SGMS1: variants seen among roughly 807,000 people sequenced by gnomAD.
SGMS1 encodes the protein phosphatidylcholine:ceramide cholinephosphotransferase 1.
Under a neutral mutation model 46.2 loss-of-function variants are expected in SGMS1, and 13 were observed. The ratio of observed to expected loss-of-function variants is 0.28; its 90% CI spans 0.18 to 0.45. The LOEUF (loss-of-function observed/expected upper bound fraction) is 0.45. Ranked by LOEUF, SGMS1 falls within the 20% of genes least tolerant of loss-of-function variation. The pLI is 1.00. For synonymous variants in SGMS1, 203 were observed against 187.8 expected, an observed-to-expected ratio of 1.08 and a Z score of -0.66; for missense variants, 324 against 519.9, an observed-to-expected ratio of 0.62 and a Z score of 3.66.
chr10:50,494,028 G>A (rs1245225487), intron 3 of SGMS1, among the ~76,000 whole-genome samples: 1 of 152,122 alleles, frequency 6.6e-6, no homozygotes, highest in East Asian at 1.9e-4. Flanking sequence ...CAAACTCCTG[G>A]CCTCGTGATC....
chr10:50,379,224 G>A (rs926978674), intron 6 of SGMS1, among the ~76,000 whole-genome samples: 7 of 152,084 alleles, frequency 4.6e-5, no homozygotes, highest in African/African-American at 1.4e-4. Flanking sequence ...GTGTTCAAAA[G>A]TGCAGCCCTA....
In SGMS1 at chr10:50,343,833, G is replaced by C; in HGVS notation, c.282C>G (p.Pro94=). The C allele has an allele frequency of 5.0e-6, 8 of 1,614,136 alleles. No individual in the cohort carries two copies. Among genetic ancestry groups the C allele is most frequent in the Non-Finnish European group, 5.1e-6 (6 of 1,180,036 alleles). ...TAATCTTGATGCTGAAGCTGCCGTC[G>C]GGGGTGGGGATGTCTACGCCAATGT... ...HLNIGVDIPT[P]DGSFSIKIKP... Residue 94 remains proline (P), a synonymous_variant, in exon 7 of 11, where the codon CCC becomes CCG. Transcript: ENST00000361781.
chr10:50,399,578 T>G (rs1363951159), intron 6 of SGMS1, among the ~76,000 whole-genome samples: 1 of 152,142 alleles, frequency 6.6e-6, no homozygotes, highest in African/African-American at 2.4e-5. Flanking sequence ...AGCAGAACAA[T>G]GCACACAGGA....
intron 6 of SGMS1, among the ~76,000 whole-genome samples, chr10:50,410,978 A>G (rs964829392): frequency 6.6e-6 from 1 of 152,212 alleles, no homozygotes; most frequent in African/African-American, 2.4e-5. Flanking sequence ...GCTGTGATAC[A>G]TTCATTATAG....
At chr10:50,424,768 C>T (rs1260152635) in intron 6 of SGMS1, among the ~76,000 whole-genome samples, 3 of 152,122 alleles carry the variant, frequency 2.0e-5, no homozygotes, top group Admixed American at 6.5e-5. Flanking sequence ...CAAAATTAGT[C>T]GGGCATAGTG....
intron 1 of SGMS1, among the ~76,000 whole-genome samples, chr10:50,608,710 T>C (rs1838719372): frequency 6.6e-6 from 1 of 152,218 alleles, no homozygotes; most frequent in African/African-American, 2.4e-5. Context: ...GAAACACACC[T>C]GATATGACTA....
At chr10:50,528,783 C>A (rs546831142) in intron 2 of SGMS1, among the ~76,000 whole-genome samples, 1 of 152,200 alleles carries the variant, frequency 6.6e-6, no homozygotes, top group Admixed American at 6.5e-5. Context: ...TAGCTTGAGC[C>A]CAGGAGGCTG....
At chr10:50,394,693 T>C (rs1848820627) in intron 6 of SGMS1, among the ~76,000 whole-genome samples, 1 of 152,262 alleles carries the variant, frequency 6.6e-6, no homozygotes, top group Non-Finnish European at 1.5e-5. Context: ...TTTGTTTTAA[T>C]TCATCTAACT....
chr10:50,491,306 C>T (rs1409642750), intron 3 of SGMS1, among the ~76,000 whole-genome samples: 1 of 152,162 alleles, frequency 6.6e-6, no homozygotes, highest in Non-Finnish European at 1.5e-5. Flanking sequence ...TGAGCTATGA[C>T]AGTATCACTG....
chr10:50,391,713 A>G (rs529321171), intron 6 of SGMS1, among the ~76,000 whole-genome samples: 42 of 152,222 alleles, frequency 2.8e-4, no homozygotes, highest in Non-Finnish European at 4.9e-4. Context: ...AAGAATGTGC[A>G]CATGTATGTT....
chr10:50,317,082 A>G (rs1017042547), intron 8 of SGMS1, among the ~76,000 whole-genome samples: 7 of 152,230 alleles, frequency 4.6e-5, no homozygotes, highest in Admixed American at 4.6e-4. Context: ...TTAAACACTC[A>G]AATCAAAGAC....
chr10:50,603,328 G>A (rs1838665499), intron 1 of SGMS1, among the ~76,000 whole-genome samples: 1 of 152,236 alleles, frequency 6.6e-6, no homozygotes, highest in Non-Finnish European at 1.5e-5. Context: ...CACCACCAGG[G>A]CTGAACCGTG....
intron 6 of SGMS1, among the ~76,000 whole-genome samples, chr10:50,379,956 C>A (rs1848577897): frequency 6.6e-6 from 1 of 152,124 alleles, no homozygotes; most frequent in South Asian, 2.1e-4. Context: ...GACAAAATTA[C>A]CAGCAGACTG....
Position 50,622,591 on chromosome 10 carries a change from T to C in SGMS1, c.-684+1116A>G, listed in dbSNP as rs575478031. 3.3e-5 allele frequency among the ~76,000 whole-genome samples: 5 copies of C among 152,218 alleles called. No individual in the cohort carries two copies. The South Asian group carries it at 1.0e-3, about 32-fold the overall frequency. On this transcript the variant is annotated intron_variant, in intron 1 of 10. Coordinates refer to ENST00000361781, the MANE Select transcript of SGMS1 (RefSeq NM_147156.4). ...AAAATAGTCGACAGGCCCCAGAACATAGAAAATAAACTTCCCTTTCAGAAA... is the reference window on the plus strand; with the variant it reads ...AAAATAGTCGACAGGCCCCAGAACACAGAAAATAAACTTCCCTTTCAGAAA...
At chr10:50,338,072 C>A (rs1847745831) in intron 7 of SGMS1, among the ~76,000 whole-genome samples, 2 of 152,114 alleles carry the variant, frequency 1.3e-5, no homozygotes, top group Non-Finnish European at 2.9e-5. Context: ...TGGCAGGTCC[C>A]AAGCAGGATC....
rs1382207688 is a variant in SGMS1 at position 50,398,797 on chromosome 10, A to AAT, written c.-232+34677_-232+34678dup. On this transcript the variant is annotated intron_variant, in intron 6 of 10. Transcript: ENST00000361781. Reference sequence around the variant, plus strand: ...CAGTTTGTCTCTATGGAATGGAAAAAATATATATATTATTATTATTATTCA... The same window carrying AAT: ...CAGTTTGTCTCTATGGAATGGAAAAAATATATATATATTATTATTATTATTCA... Among the ~76,000 whole-genome samples, 319 of 152,074 alleles carry AAT rather than the reference A, an allele frequency of 2.1e-3. 1 individual carries two copies. Among genetic ancestry groups the AAT allele is most frequent in the African/African-American group, 7.4e-3 (307 of 41,524 alleles).
At chr10:50,355,171 T>C (rs1051741709) in intron 6 of SGMS1, among the ~76,000 whole-genome samples, 1 of 152,214 alleles carries the variant, frequency 6.6e-6, no homozygotes, top group Non-Finnish European at 1.5e-5. Flanking sequence ...CTATTCACAA[T>C]AGCAAAGACT....
intron 1 of SGMS1, among the ~76,000 whole-genome samples, chr10:50,611,616 CAG>C (rs1234104279): frequency 6.6e-6 from 1 of 152,244 alleles, no homozygotes; most frequent in African/African-American, 2.4e-5. Context: ...GCCTCTGTCT[CAG>C]ATGACCAGGA....
chr10:50,394,825 C>G (rs1848823268), intron 6 of SGMS1, among the ~76,000 whole-genome samples: 1 of 152,108 alleles, frequency 6.6e-6, no homozygotes, highest in Non-Finnish European at 1.5e-5. Flanking sequence ...TGTTTAGCAA[C>G]TAATAACTGG....
Sources: gnomAD v4.1 joint callset for allele counts (sites outside exome capture counted in the v4.1 genomes callset) on GRCh38, gnomAD v4.1.1 for gene constraint, MANE v1.5 for transcripts, NCBI Gene and HGNC (gene_info 2026-07-23, HGNC 2026-07-21) for gene names.